DDX10: variants seen among roughly 807,000 people sequenced by gnomAD.
DDX10 encodes DEAD-box helicase 10, also known as probable ATP-dependent RNA helicase DDX10.
DDX10 carries 74 observed loss-of-function variants against 104.3 expected under a neutral mutation model. The observed-to-expected ratio is 0.71, with a 90% CI of 0.59 to 0.86. DDX10 has a LOEUF of 0.86. DDX10 is among the 40% of genes least tolerant of loss of function. DDX10 has a pLI of 0.00. For missense variants in DDX10, 952 were observed against 1,040.0 expected, an observed-to-expected ratio of 0.92 and a Z score of 1.16; for synonymous variants, 351 against 353.4, an observed-to-expected ratio of 0.99 and a Z score of 0.08.
At chr11:108,740,396 A>G (rs1156826855) in intron 13 of DDX10, among the ~76,000 whole-genome samples, 1 of 152,068 alleles carries the variant, frequency 6.6e-6, no homozygotes, top group Non-Finnish European at 1.5e-5. Flanking sequence ...ATTGATGAGC[A>G]TTTAGGTTGA....
chr11:108,871,745 A>G (rs1311445272), intron 16 of DDX10, among the ~76,000 whole-genome samples: 1 of 152,156 alleles, frequency 6.6e-6, no homozygotes, highest in African/African-American at 2.4e-5. Context: ...CCTGACCAAC[A>G]TGGAGAAACC....
chr11:108,932,505 T>C (rs551567362), intron 17 of DDX10, among the ~76,000 whole-genome samples: 2 of 152,050 alleles, frequency 1.3e-5, no homozygotes, highest in South Asian at 4.1e-4. Context: ...TCTCCAGTCT[T>C]TGAGGATCCT....
At chr11:108,714,639 A>C (rs1366836517) in intron 10 of DDX10, among the ~76,000 whole-genome samples, 1 of 152,094 alleles carries the variant, frequency 6.6e-6, no homozygotes, top group East Asian at 1.9e-4. Context: ...GAAAGAATGA[A>C]ATCTCTTGGA....
At chr11:108,798,538 G>A (rs1861976945) in intron 13 of DDX10, among the ~76,000 whole-genome samples, 1 of 152,162 alleles carries the variant, frequency 6.6e-6, no homozygotes, top group Non-Finnish European at 1.5e-5. Context: ...ATATAAAATG[G>A]AATGGTACAG....
chr11:108,748,067 G>A (rs2094333999), intron 13 of DDX10, among the ~76,000 whole-genome samples: 1 of 152,172 alleles, frequency 6.6e-6, no homozygotes, highest in South Asian at 2.1e-4. Context: ...GTACTCTAGA[G>A]TGTGAGCAAA....
At chr11:108,708,945 A>G (rs916625944) in intron 10 of DDX10, among the ~76,000 whole-genome samples, 1 of 152,146 alleles carries the variant, frequency 6.6e-6, no homozygotes, top group Non-Finnish European at 1.5e-5. Flanking sequence ...TTAATCTTCA[A>G]TCTTGTAGTC....
intron 10 of DDX10, among the ~76,000 whole-genome samples, chr11:108,707,313 C>CT (rs1196413839): frequency 8.5e-5 from 13 of 152,146 alleles, no homozygotes; most frequent in Non-Finnish European, 1.9e-4. Context: ...GATCTTTTTA[C>CT]TGTCTCTATA....
chr11:108,842,146 GGCAGTTTTCTGTTATC>G (rs1390314725), intron 15 of DDX10, among the ~76,000 whole-genome samples: 2 of 151,986 alleles, frequency 1.3e-5, no homozygotes, highest in East Asian at 1.9e-4. Context: ...TCTTGAACTT[GGCAGTTTTCTGTTATC>G]CTTGATATAG....
At chr11:108,815,674 A>G (rs1470871686) in intron 13 of DDX10, among the ~76,000 whole-genome samples, 1 of 152,040 alleles carries the variant, frequency 6.6e-6, no homozygotes, top group Non-Finnish European at 1.5e-5. Context: ...AATGCTTTGG[A>G]TTTCTTTTGA....
At chr11:108,792,448 A>C (rs758597800) in intron 13 of DDX10, among the ~76,000 whole-genome samples, 35 of 152,174 alleles carry the variant, frequency 2.3e-4, no homozygotes, top group Admixed American at 7.2e-4. Context: ...GGCATGAGTG[A>C]AGTTTCAAAG....
intron 14 of DDX10, among the ~76,000 whole-genome samples, chr11:108,839,105 A>T (rs762488460): frequency 1.3e-5 from 2 of 152,196 alleles, no homozygotes; most frequent in African/African-American, 2.4e-5. Context: ...GGAAGGGATT[A>T]CCACTCACAG....
intron 17 of DDX10, among the ~76,000 whole-genome samples, chr11:108,935,590 T>G (rs1310641517): frequency 1.3e-5 from 2 of 151,444 alleles, no homozygotes; most frequent in Non-Finnish European, 2.9e-5. Flanking sequence ...TCTTAATTTT[T>G]TTTTATTTGA....
intron 13 of DDX10, among the ~76,000 whole-genome samples, chr11:108,829,375 C>T (rs1211818341): frequency 6.6e-6 from 1 of 152,150 alleles, no homozygotes; most frequent in Non-Finnish European, 1.5e-5. Context: ...TTTCCACATG[C>T]TTATTGGCCA....
chr11:108,853,849 C>G (rs972458051), intron 16 of DDX10, among the ~76,000 whole-genome samples: 2 of 152,154 alleles, frequency 1.3e-5, no homozygotes, highest in African/African-American at 4.8e-5. Context: ...GGGAAGGTCT[C>G]ATTTCTATGT....
chr11:108,889,220 A>G (rs1445498355), intron 16 of DDX10, among the ~76,000 whole-genome samples: 1 of 152,138 alleles, frequency 6.6e-6, no homozygotes, highest in Non-Finnish European at 1.5e-5. Flanking sequence ...CATAACACAT[A>G]TTGCTTCTTT....
At chr11:108,723,787 T>G (rs1275034154) in intron 13 of DDX10, among the ~76,000 whole-genome samples, 1 of 152,180 alleles carries the variant, frequency 6.6e-6, no homozygotes, top group Non-Finnish European at 1.5e-5. Flanking sequence ...ATGAGGATCC[T>G]TCGTTAAAAT....
chr11:108,677,942 C>T (rs746307017), intron 4 of DDX10, among the ~76,000 whole-genome samples: 9 of 151,864 alleles, frequency 5.9e-5, no homozygotes, highest in Admixed American at 3.9e-4. Flanking sequence ...AGTCCTTGAG[C>T]GGTGTCAGAG....
At chr11:108,776,995 A>G (rs1204090501) in intron 13 of DDX10, among the ~76,000 whole-genome samples, 1 of 152,246 alleles carries the variant, frequency 6.6e-6, no homozygotes, top group Non-Finnish European at 1.5e-5. Flanking sequence ...GAACTTGGCC[A>G]TGCTGTGCCA....
chr11:108,791,104 G>T (rs1232332221), intron 13 of DDX10, among the ~76,000 whole-genome samples: 1 of 152,228 alleles, frequency 6.6e-6, no homozygotes, highest in African/African-American at 2.4e-5. Context: ...ATACTAGTGT[G>T]ACTTCCTAGA....
Sources: allele counts gnomAD v4.1 joint callset (sites outside exome capture counted in the v4.1 genomes callset), GRCh38; gene constraint gnomAD v4.1.1; transcripts MANE v1.5; gene names NCBI Gene and HGNC (gene_info 2026-07-23, HGNC 2026-07-21).